Variants in BLNK observed in about 807,000 individuals in gnomAD.
BLNK encodes the protein B-cell linker protein.
Under a neutral mutation model 73.5 loss-of-function variants are expected in BLNK, and 29 were observed. The ratio of observed to expected loss-of-function variants is 0.39; its 90% CI spans 0.29 to 0.54. BLNK has a LOEUF of 0.54. Among genes scored for constraint, BLNK ranks in the 20% least tolerant of loss-of-function variants. The probability of loss-of-function intolerance (pLI) is 0.61; values close to 1 mark genes in which losing one functional copy is unlikely to be tolerated. For synonymous variants in BLNK, 176 were observed against 200.8 expected (o/e 0.88, Z 1.04); for missense variants, 460 against 562.8 (o/e 0.82, Z 1.85).
chr10:96,207,801 A>G, intron 10 of BLNK, 71 bp downstream of exon 10: 1 of 1,575,436 alleles, frequency 6.3e-7, no homozygotes, highest in South Asian at 1.1e-5. Context: ...AGCATTTTCA[A>G]CTTTAAATAA....
At chr10:96,247,632 C>T (rs1400577488) in intron 1 of BLNK, among the ~76,000 whole-genome samples, 3 of 152,172 alleles carry the variant, frequency 2.0e-5, no homozygotes, top group Non-Finnish European at 4.4e-5. Context: ...AAAACCCCAC[C>T]TCTCCATGCA....
intron 4 of BLNK, among the ~76,000 whole-genome samples, chr10:96,229,275 CT>C (rs1842404518): frequency 6.7e-6 from 1 of 148,648 alleles, no homozygotes; most frequent in South Asian, 2.3e-4. Context: ...AAACATCATT[CT>C]ACTGTCCGTC....
chr10:96,241,392 G>C (rs1300198536), intron 3 of BLNK, among the ~76,000 whole-genome samples: 3 of 152,182 alleles, frequency 2.0e-5, no homozygotes, highest in Admixed American at 6.5e-5. Context: ...TTCTAATAAA[G>C]AAATGTGTAT....
At chr10:96,243,534 G>A (rs1320382106) in intron 2 of BLNK, among the ~76,000 whole-genome samples, 1 of 152,156 alleles carries the variant, frequency 6.6e-6, no homozygotes, top group African/African-American at 2.4e-5. Context: ...GCGACAGAGC[G>A]AGACACTGTC....
At chr10:96,207,320 A>AC (rs1304446909) in intron 10 of BLNK, among the ~76,000 whole-genome samples, 6 of 150,592 alleles carry the variant, frequency 4.0e-5, no homozygotes, top group Middle Eastern at 3.2e-3. Flanking sequence ...GGAAATCATG[A>AC]CCCCCCCAGC....
At chr10:96,201,476 T>A (rs1466197779) in intron 13 of BLNK, among the ~76,000 whole-genome samples, 3 of 152,246 alleles carry the variant, frequency 2.0e-5, no homozygotes, top group Non-Finnish European at 2.9e-5. Flanking sequence ...ATAAAAATAT[T>A]ATTTATGTTA....
At chr10:96,215,530 A>G in intron 7 of BLNK, 141 bp from the exon 8 acceptor site, 1 of 654,568 alleles carries the variant, frequency 1.5e-6, no homozygotes, top group Non-Finnish European at 2.6e-6. Flanking sequence ...AGACACCCTT[A>G]TTAGACACAC....
rs1431464036 is a variant in BLNK at position 96,207,388 on chromosome 10, A to AC, written c.775-336dup. 2.5e-3 allele frequency among the ~76,000 whole-genome samples: 381 copies of AC among 150,444 alleles called. 1 individual carries two copies. Among genetic ancestry groups the AC allele is most frequent in the African/African-American group, 8.1e-3 (330 of 40,844 alleles). On this transcript the variant is annotated intron_variant, in intron 10 of 16. Coordinates refer to ENST00000224337, the MANE Select transcript of BLNK (RefSeq NM_013314.4). ...ATCTGGCATCTGCTTTGGTCTCATG[A>AC]CCCCCCCCTTCTGTGTGTTTGCTAA...
At chr10:96,269,188 G>T (rs1471657301) in intron 1 of BLNK, among the ~76,000 whole-genome samples, 1 of 152,172 alleles carries the variant, frequency 6.6e-6, no homozygotes, top group Non-Finnish European at 1.5e-5. Context: ...TTACTTTTAT[G>T]TAAGCAGATG....
At chr10:96,208,404 A>T (rs916454224) in intron 9 of BLNK, among the ~76,000 whole-genome samples, 1 of 152,134 alleles carries the variant, frequency 6.6e-6, no homozygotes, top group African/African-American at 2.4e-5. Context: ...GTCTCTAGGG[A>T]CTATTCTCCA....
Position 96,200,439 on chromosome 10 carries a change from T to C in BLNK, c.1012-281A>G, listed in dbSNP as rs2083601111. ...CCCCTTTCCATTGTGCTCTTATTGC[T>C]CTTACTTTGTGGAGTGCTTTACAAT... is the stretch of plus-strand genomic sequence containing the variant. On this transcript the variant is annotated intron_variant, in intron 14 of 16. Transcript: ENST00000224337. This position sits in a 1 kb window ranked among gnomAD's most constrained non-coding sequence, Gnocchi z 4.3. 6.6e-6 allele frequency among the ~76,000 whole-genome samples: 1 copy of C among 152,234 alleles called. No homozygotes were observed. Among genetic ancestry groups the C allele is most frequent in the South Asian group, 2.1e-4 (1 of 4,834 alleles).
intron 3 of BLNK, among the ~76,000 whole-genome samples, chr10:96,239,874 G>A (rs1264298981): frequency 1.3e-5 from 2 of 152,070 alleles, no homozygotes; most frequent in African/African-American, 2.4e-5. Flanking sequence ...TCAGGAGGGA[G>A]GTCCACCCTG....
chr10:96,258,776 G>T (rs1001825424), intron 1 of BLNK, among the ~76,000 whole-genome samples: 9 of 152,146 alleles, frequency 5.9e-5, no homozygotes, highest in Admixed American at 1.3e-4. Context: ...CATGTACTAC[G>T]TGCTAGGTAC....
Position 96,271,470 on chromosome 10 carries a change from G to C in BLNK, c.-72C>G. The C allele has an allele frequency of 1.3e-6, 2 of 1,498,192 alleles. No homozygotes were observed. Among genetic ancestry groups the C allele is most frequent in the Non-Finnish European group, 1.9e-6 (2 of 1,075,046 alleles). 92.8% of individuals were successfully genotyped at this position (1,498,192 alleles called of 1,614,324 possible). ...GTCAGCAGTTCCTGGCCCTCCTAGG[G>C]AGCAGCATGGTAAGCCTCTGGTCTC... On this transcript the variant is annotated 5_prime_UTR_variant, in exon 1 of 17. Coordinates refer to ENST00000224337, the MANE Select transcript of BLNK (RefSeq NM_013314.4).
intron 11 of BLNK, 94 bp downstream of exon 11, chr10:96,206,917 T>C: frequency 1.5e-6 from 2 of 1,342,058 alleles, no homozygotes; most frequent in Non-Finnish European, 2.1e-6. Context: ...TGTTTACAAT[T>C]GCCCCAAAAA....
intron 9 of BLNK, among the ~76,000 whole-genome samples, chr10:96,209,166 C>T (rs1054637298): frequency 2.0e-5 from 3 of 152,132 alleles, no homozygotes; most frequent in Admixed American, 6.5e-5. Flanking sequence ...TGAGGGAGTG[C>T]CCTGGTATGA....
At position 96,235,540 on chromosome 10, in the gene BLNK, G is replaced by A. The variant is rs587748216; in HGVS notation, c.164-4706C>T. On this transcript the variant is annotated intron_variant, in intron 3 of 16. Coordinates refer to ENST00000224337, the MANE Select transcript of BLNK (RefSeq NM_013314.4). ...TTCATAATACAAATAAAGACTAAGG[G>A]CCAGAAGAATGACCACATGAGACTG... Among the ~76,000 whole-genome samples the A allele has an allele frequency of 3.0e-4, 43 of 144,398 alleles. 3 individuals carry two copies. The highest frequency in any genetic ancestry group is 8.9e-4 in the African/African-American group (36 of 40,280). The allele number at this position is 144,398 out of a possible 152,430, so 94.7% of individuals were successfully genotyped here.
intron 1 of BLNK, among the ~76,000 whole-genome samples, chr10:96,269,406 G>A (rs551872464): frequency 1.4e-4 from 21 of 147,216 alleles, no homozygotes; most frequent in Admixed American, 4.1e-4. Flanking sequence ...CTACATTATG[G>A]AATATGTCTG....
intron 3 of BLNK, among the ~76,000 whole-genome samples, chr10:96,231,200 C>G (rs587687004): frequency 1.3e-5 from 2 of 152,252 alleles, no homozygotes; most frequent in East Asian, 1.9e-4. Flanking sequence ...TCAGACAGAC[C>G]TAAGTTCTTA....
Sources: allele counts gnomAD v4.1 joint callset (sites outside exome capture counted in the v4.1 genomes callset), GRCh38; gene constraint gnomAD v4.1.1; non-coding constraint Gnocchi (gnomAD v3.1); transcripts MANE v1.5; gene names NCBI Gene and HGNC (gene_info 2026-07-23, HGNC 2026-07-21).